The following TSHZ3 variants were observed in gnomAD, a reference collection of about 807,000 sequenced individuals.
TSHZ3 encodes teashirt homolog 3.
In TSHZ3, 10 loss-of-function variants were observed where a neutral mutation model predicts 64.5. That is an observed-to-expected ratio of 0.16 (90% CI 0.10 to 0.26). The LOEUF (loss-of-function observed/expected upper bound fraction) is 0.26, where lower values mean the gene tolerates loss of function less well. TSHZ3 is among the 10% of genes least tolerant of loss of function. The probability of loss-of-function intolerance (pLI) is 1.00; values close to 1 mark genes in which losing one functional copy is unlikely to be tolerated. For missense variants in TSHZ3, 1,242 were observed against 1,421.7 expected, an observed-to-expected ratio of 0.87 and a Z score of 2.03; for synonymous variants, 608 against 593.1, an observed-to-expected ratio of 1.03 and a Z score of -0.36.
At chr19:31,243,672 G>C (rs1430846185) in intron 1 of TSHZ3, among the ~76,000 whole-genome samples, 3 of 152,136 alleles carry the variant, frequency 2.0e-5, no homozygotes, top group African/African-American at 7.2e-5. Context: ...ATCCTCGGGG[G>C]CTCCGTGCCT....
chr19:31,304,299 T>C (rs1415884765), intron 1 of TSHZ3, among the ~76,000 whole-genome samples: 1 of 151,188 alleles, frequency 6.6e-6, no homozygotes, highest in Non-Finnish European at 1.5e-5. Context: ...ACAATTTGCC[T>C]TTCACAGTTG....
At chr19:31,187,147 C>A (rs1457261814) in intron 5 of TSHZ3, among the ~76,000 whole-genome samples, 1 of 152,148 alleles carries the variant, frequency 6.6e-6, no homozygotes, top group African/African-American at 2.4e-5. Flanking sequence ...TGACTCTAAC[C>A]TTTGTGGGCA....
At chr19:31,270,268 C>T (rs117158562), downstream of TSHZ3, among the ~76,000 whole-genome samples, 245 of 152,318 alleles carry the variant, frequency 1.6e-3, 7 homozygotes, top group East Asian at 0.037. Context: ...ACACTTACAT[C>T]ACTGAGATGT....
At chr19:31,269,222 C>T (rs566402770) in intron 1 of TSHZ3, among the ~76,000 whole-genome samples, 2 of 152,220 alleles carry the variant, frequency 1.3e-5, no homozygotes, top group African/African-American at 4.8e-5. Context: ...AACTCAAACA[C>T]ATGCACAAAT....
At chr19:31,328,596 G>A (rs547916924) in intron 1 of TSHZ3, among the ~76,000 whole-genome samples, 1 of 152,354 alleles carries the variant, frequency 6.6e-6, no homozygotes, top group Admixed American at 6.5e-5. Context: ...TTCAAGGAAT[G>A]GCGGGTTAAA....
At chr19:31,213,127 G>A (rs918791476) in intron 4 of TSHZ3, among the ~76,000 whole-genome samples, 7 of 151,890 alleles carry the variant, frequency 4.6e-5, no homozygotes, top group Middle Eastern at 6.8e-3. Flanking sequence ...AGGCGGAGGC[G>A]GGTGGATTGC....
chr19:31,238,581 C>T (rs905617116), intron 3 of TSHZ3, among the ~76,000 whole-genome samples: 7 of 152,112 alleles, frequency 4.6e-5, no homozygotes, highest in African/African-American at 4.8e-5. Context: ...CTATGATAAA[C>T]GGTATACATA....
exon 7 of TSHZ3, among the ~76,000 whole-genome samples, chr19:31,151,543 T>C (rs184186968): frequency 3.9e-5 from 6 of 152,288 alleles, no homozygotes; most frequent in Non-Finnish European, 2.9e-5. Flanking sequence ...GAGCTTCTTC[T>C]ACTATATGAC....
At chr19:31,238,487 C>G (rs1975648674) in intron 3 of TSHZ3, among the ~76,000 whole-genome samples, 1 of 152,112 alleles carries the variant, frequency 6.6e-6, no homozygotes, top group Admixed American at 6.5e-5. Flanking sequence ...AACTCCTGAC[C>G]TCGAGTGATC....
chr19:31,343,835 T>C (rs1917505380), intron 1 of TSHZ3, among the ~76,000 whole-genome samples: 1 of 152,052 alleles, frequency 6.6e-6, no homozygotes, highest in South Asian at 2.1e-4. Context: ...TTGATAGCCA[T>C]TGTTTAGTGG....
chr19:31,245,776 C>A (rs1225260965), intron 1 of TSHZ3, among the ~76,000 whole-genome samples: 1 of 152,166 alleles, frequency 6.6e-6, no homozygotes, highest in Non-Finnish European at 1.5e-5. Context: ...GTGGTAGGGG[C>A]TGTTACAACC....
Position 31,279,125 on chromosome 19 carries a change from T to A in TSHZ3, c.668A>T (p.Tyr223Phe). 6.2e-7 allele frequency: 1 copy of A among 1,613,850 alleles called. No homozygotes were observed. Among genetic ancestry groups the A allele is most frequent in the South Asian group, 1.1e-5 (1 of 91,068 alleles). The stretch of plus-strand genomic sequence containing the variant: ...CACCGTCAACTCCACCAGGGTGTCG[T>A]AGGCAGCGCTGCAGTCCTTACAGCG... ...KFRCKDCSAA[Y>F]DTLVELTVHM... The change falls in exon 2 of 2, where the codon TAC becomes TTC. Residue 223 changes from tyrosine (Y) to phenylalanine (F), a missense_variant. Around this residue, in one of 4 missense-constraint regions of TSHZ3, gnomAD observed 555 missense variants for 704.0 expected, o/e 0.79. Transcript: ENST00000240587. This position sits in a 1 kb window ranked among gnomAD's most constrained non-coding sequence, Gnocchi z 6.4.
intron 1 of TSHZ3, among the ~76,000 whole-genome samples, chr19:31,311,766 C>T (rs1458277505): frequency 6.6e-6 from 1 of 152,156 alleles, no homozygotes; most frequent in Non-Finnish European, 1.5e-5. Flanking sequence ...CTCTGTTGCC[C>T]AGGCTGGAGT....
chr19:31,185,811 C>T (rs1426966144), intron 5 of TSHZ3, among the ~76,000 whole-genome samples: 1 of 152,186 alleles, frequency 6.6e-6, no homozygotes, highest in East Asian at 1.9e-4. Context: ...CCATCATTAT[C>T]CTTCCCAGTC....
At chr19:31,255,635 C>T (rs113370006) in intron 1 of TSHZ3, among the ~76,000 whole-genome samples, 2,213 of 152,192 alleles carry the variant, frequency 0.015, 53 homozygotes, top group African/African-American at 0.051. Context: ...TGGTTTTGGC[C>T]GGTGTCACAG....
chr19:31,159,354 C>T (rs1321789727), intron 5 of TSHZ3, among the ~76,000 whole-genome samples: 1 of 152,178 alleles, frequency 6.6e-6, no homozygotes, highest in Non-Finnish European at 1.5e-5. Context: ...TAGATCACAT[C>T]CCTATCTTAA....
rs915319482 is a variant in TSHZ3, at chr19:31,277,545, G to A, written c.2248C>T (p.Leu750Phe). The A allele has an allele frequency of 1.9e-6, 3 of 1,600,968 alleles. No homozygotes were observed. The highest frequency in any genetic ancestry group is 1.3e-5 in the African/African-American group (1 of 74,648). Residue 750 changes from leucine (L) to phenylalanine (F), a missense_variant, in exon 2 of 2, where the codon CTT (leucine) becomes TTT (phenylalanine). Physicochemically the swap from Leu to Phe is conservative, Grantham distance 22 (BLOSUM62 0). This residue lies in a region of TSHZ3 where 550 missense variants were observed against 545.1 expected (regional missense o/e 1.01). Coordinates refer to ENST00000240587, the MANE Select transcript of TSHZ3 (RefSeq NM_020856.4). This position sits in a 1 kb window ranked among gnomAD's most constrained non-coding sequence, Gnocchi z 4.5. ...SLPALDPMSMLFKMSNSLAEK... is the reference protein window; with the variant it reads ...SLPALDPMSMFFKMSNSLAEK... ...GCCAGGCTGTTGCTCATCTTGAAAAGCATGCTCATGGGGTCCAGGGCAGGC... is the reference window on the plus strand; with the variant it reads ...GCCAGGCTGTTGCTCATCTTGAAAAACATGCTCATGGGGTCCAGGGCAGGC...
chr19:31,322,245 C>T (rs776328281), intron 1 of TSHZ3, among the ~76,000 whole-genome samples: 7 of 152,114 alleles, frequency 4.6e-5, no homozygotes, highest in East Asian at 1.9e-4. Flanking sequence ...AAACGATTTT[C>T]GTGCCTCGGC....
chr19:31,217,800 GTGCTC>G (rs1975352608), intron 4 of TSHZ3, among the ~76,000 whole-genome samples: 1 of 152,180 alleles, frequency 6.6e-6, no homozygotes, highest in Non-Finnish European at 1.5e-5. Context: ...AAACTCCTCT[GTGCTC>G]TGCCTGTCAT....
Sources: gnomAD v4.1 joint callset for allele counts (sites outside exome capture counted in the v4.1 genomes callset) on GRCh38, gnomAD v4.1.1 for gene constraint, gnomAD v4.1.1 regional missense constraint, Gnocchi (gnomAD v3.1) non-coding constraint, MANE v1.5 for transcripts, NCBI Gene and HGNC (gene_info 2026-07-23, HGNC 2026-07-21) for gene names.